URB1: variants seen among roughly 807,000 people sequenced by gnomAD.
URB1 encodes the protein nucleolar pre-ribosomal-associated protein 1.
A neutral mutation model predicts 242.3 loss-of-function variants in URB1; 197 were observed. The ratio of observed to expected loss-of-function variants is 0.81; its 90% confidence interval spans 0.72 to 0.91. The LOEUF (loss-of-function observed/expected upper bound fraction) is 0.91, where lower values mean the gene tolerates loss of function less well. URB1 is among the 40% of genes least tolerant of loss of function. The pLI, the probability that URB1 is intolerant of heterozygous loss-of-function variation, is 0.00. For missense variants in URB1, 2,721 were observed against 2,860.5 expected, an observed-to-expected ratio of 0.95 and a Z score of 1.11; for synonymous variants, 1,153 against 1,201.8, an observed-to-expected ratio of 0.96 and a Z score of 0.84.
rs749036319 is a variant in URB1, at chr21:32,378,333, T to C, written c.664+112A>G. The stretch of plus-strand genomic sequence containing the variant: ...CCCTGCCCCACATCCTTCAATCTGG[T>C]GTACACAGCAACTGCAAAGGCTGCA... On this transcript the variant is annotated intron_variant, in intron 5 of 38. Transcript: ENST00000382751. The C allele has an allele frequency of 1.2e-4, 111 of 914,808 alleles. 1 individual carries two copies. The highest frequency in any genetic ancestry group is 1.8e-4 in the Non-Finnish European group (107 of 579,992). 56.7% of individuals were successfully genotyped at this position (914,808 alleles called of 1,614,324 possible). A position where few individuals can be genotyped will look rare whatever the true frequency, so the allele number is the denominator to read the frequency against.
chr21:32,368,497 G>C lies in URB1; in HGVS notation c.1103C>G (p.Pro368Arg). ...CTTGAAGTATTTGTTCAGTAAGTCC[G>C]GGCACACTTTGAGGATGTTTACCAC... is the stretch of plus-strand genomic sequence containing the variant. ...DLVVNILKVC[P>R]DLLNKYFKEV... The change falls in exon 9 of 39, where the codon CCG becomes CGG. Residue 368 changes from proline to arginine, a missense_variant. Pro to Arg is a moderately radical substitution (Grantham distance 103). Coordinates refer to ENST00000382751, the MANE Select transcript of URB1 (RefSeq NM_014825.3). 4.5e-6 allele frequency: 7 copies of C among 1,551,736 alleles called. No homozygotes were observed. The highest frequency in any genetic ancestry group is 6.1e-6 in the Non-Finnish European group (7 of 1,147,004).
intron 30 of URB1, among the ~76,000 whole-genome samples, chr21:32,331,524 C>G (rs1159868819): frequency 6.6e-6 from 1 of 152,048 alleles, no homozygotes. Context: ...ACCTTGAGAC[C>G]CAAAGAACAA....
chr21:32,371,235 T>C (rs1004210860), intron 8 of URB1, among the ~76,000 whole-genome samples: 2 of 152,270 alleles, frequency 1.3e-5, no homozygotes, highest in East Asian at 1.9e-4. Context: ...CAAACAAATC[T>C]CCTTCCTTTC....
In URB1 at chr21:32,316,559, C is replaced by T. The variant is rs184986771; in HGVS notation, c.6541G>A (p.Val2181Met). 6.4e-7 allele frequency: 1 copy of T among 1,551,340 alleles called. No individual in the cohort carries two copies. Among genetic ancestry groups the T allele is most frequent in the Admixed American group, 2.0e-5 (1 of 51,002 alleles). Residue 2181 changes from valine (V) to methionine (M), a missense_variant, in exon 38 of 39, where the codon GTG becomes ATG. Transcript: ENST00000382751. ...CTCCCTGCCCGGCCCTGGGCAGCCA[C>T]CAGCTGCAGCATGACCGTATTGAAC... ...CLFNTVMLQL[V>M]AAQGRAGSPF...
At chr21:32,329,139 A>C (rs1478557943) in intron 30 of URB1, among the ~76,000 whole-genome samples, 1 of 151,704 alleles carries the variant, frequency 6.6e-6, no homozygotes, top group Non-Finnish European at 1.5e-5. Context: ...ATGGTGGTGC[A>C]CATTTGCAGT....
chr21:32,315,109 A>G lies in URB1; in HGVS notation c.6635-10T>C, dbSNP rs1359620482. The G allele has an allele frequency of 1.3e-6, 2 of 1,509,278 alleles. No individual in the cohort carries two copies. Among genetic ancestry groups the G allele is most frequent in the South Asian group, 2.6e-5 (2 of 78,430 alleles). 93.5% of individuals were successfully genotyped at this position (1,509,278 alleles called of 1,614,324 possible). ...AGGAATGCTGCGGAGGCTGAACAAG[A>G]GCAGGGGATAGGCCATTAGGATGCA... On this transcript the variant is annotated splice_polypyrimidine_tract_variant and intron_variant, in intron 38 of 38. Coordinates refer to ENST00000382751, the MANE Select transcript of URB1 (RefSeq NM_014825.3).
chr21:32,388,355 C>T (rs1054987086), intron 1 of URB1, among the ~76,000 whole-genome samples: 65 of 152,354 alleles, frequency 4.3e-4, no homozygotes, highest in African/African-American at 1.5e-3. Context: ...ACCCTCAAAA[C>T]ATAAGCAGCC....
chr21:32,333,883 G>A (rs1421834476), intron 29 of URB1, among the ~76,000 whole-genome samples: 2 of 152,188 alleles, frequency 1.3e-5, no homozygotes, highest in Non-Finnish European at 2.9e-5. Context: ...AAAAAGCAGT[G>A]CTTGTACATG....
intron 6 of URB1, among the ~76,000 whole-genome samples, chr21:32,374,946 T>G (rs532406744): frequency 6.6e-6 from 1 of 152,262 alleles, no homozygotes; most frequent in Non-Finnish European, 1.5e-5. Context: ...TTTTTCTTAC[T>G]GATGATTTAA....
Position 32,363,301 on chromosome 21 carries a change from G to C in URB1, c.1364C>G (p.Ala455Gly). ...CAAAATGACAGAAATAAGGGATAAG[G>C]CTGTGTGCCTCACTGAGGTGCTGTC... ...NLDSTSVRHT[A>G]LSLISVILKR... Residue 455 changes from alanine to glycine, a missense_variant, in exon 11 of 39, where the codon GCC becomes GGC. Ala to Gly is a moderately conservative substitution (Grantham distance 60). Coordinates refer to ENST00000382751, the MANE Select transcript of URB1 (RefSeq NM_014825.3). 6.4e-7 allele frequency: 1 copy of C among 1,551,600 alleles called. No individual in the cohort carries two copies. Among genetic ancestry groups the C allele is most frequent in the Non-Finnish European group, 8.7e-7 (1 of 1,147,018 alleles).
At chr21:32,384,808 C>T (rs958222011) in intron 2 of URB1, among the ~76,000 whole-genome samples, 6 of 152,236 alleles carry the variant, frequency 3.9e-5, no homozygotes, top group Middle Eastern at 3.4e-3. Context: ...GGTGAAACCC[C>T]GTCTCTACTA....
intron 28 of URB1, among the ~76,000 whole-genome samples, chr21:32,336,779 G>A (rs2032964604): frequency 6.6e-6 from 1 of 152,216 alleles, no homozygotes; most frequent in South Asian, 2.1e-4. Context: ...CTAAAGGCAT[G>A]AGCAGAAAAG....
chr21:32,367,523 T>G (rs892013602), intron 9 of URB1, among the ~76,000 whole-genome samples: 1 of 152,226 alleles, frequency 6.6e-6, no homozygotes, highest in South Asian at 2.1e-4. Context: ...CCAGGTATTT[T>G]ACCACTAGGC....
In URB1 at chr21:32,350,933, C is replaced by T. The variant is rs1336600877; in HGVS notation, c.2614-11G>A. ...CTGTGCCTGCAGCAGCTGAGGGAGACAGCAAAAGGCCGGGGAAGAGAAAGA... is the reference window on the plus strand; with the variant it reads ...CTGTGCCTGCAGCAGCTGAGGGAGATAGCAAAAGGCCGGGGAAGAGAAAGA... On this transcript the variant is annotated splice_polypyrimidine_tract_variant and intron_variant, in intron 19 of 38. Transcript: ENST00000382751. 2 of 1,539,812 alleles carry T rather than the reference C, an allele frequency of 1.3e-6. No homozygotes were observed. Among genetic ancestry groups the T allele is most frequent in the African/African-American group, 2.7e-5 (2 of 72,920 alleles).
intron 4 of URB1, among the ~76,000 whole-genome samples, chr21:32,382,836 G>C (rs1410472884): frequency 1.3e-5 from 2 of 152,122 alleles, no homozygotes; most frequent in Admixed American, 6.5e-5. Context: ...CCAAACCCAA[G>C]TGAAATTTCA....
rs547120779 is a variant in URB1 at position 32,343,982 on chromosome 21, G to T, written c.4257+588C>A. Among the ~76,000 whole-genome samples, 8 of 151,942 alleles carry T rather than the reference G, an allele frequency of 5.3e-5. No individual in the cohort carries two copies. The South Asian group carries it at 1.7e-3, about 32-fold the overall frequency. ...TTCTTACTGGAAGCAAAGCAGGCCAGAAGACAGAAAAGCAACAAGTTTGAA... is the reference window on the plus strand; with the variant it reads ...TTCTTACTGGAAGCAAAGCAGGCCATAAGACAGAAAAGCAACAAGTTTGAA... On this transcript the variant is annotated intron_variant, in intron 24 of 38. Transcript: ENST00000382751.
At chr21:32,335,820 T>C (rs1315694678) in intron 28 of URB1, among the ~76,000 whole-genome samples, 5 of 152,214 alleles carry the variant, frequency 3.3e-5, no homozygotes, top group Non-Finnish European at 7.3e-5. Context: ...TTTATTTTGT[T>C]TGCGGAAATG....
intron 26 of URB1, 123 bp downstream of exon 26, chr21:32,338,584 C>A: frequency 9.2e-7 from 1 of 1,088,206 alleles, no homozygotes; most frequent in South Asian, 1.4e-5. Context: ...CATTCTGACA[C>A]TGTCTTGGCA....
chr21:32,388,741 G>A (rs2033609607), intron 1 of URB1, among the ~76,000 whole-genome samples: 1 of 152,238 alleles, frequency 6.6e-6, no homozygotes, highest in Non-Finnish European at 1.5e-5. Flanking sequence ...AAAGAGCAGT[G>A]CAACTACTCA....
Sources: gnomAD v4.1 joint callset for allele counts (sites outside exome capture counted in the v4.1 genomes callset) on GRCh38, gnomAD v4.1.1 for gene constraint, MANE v1.5 for transcripts, NCBI Gene and HGNC (gene_info 2026-07-23, HGNC 2026-07-21) for gene names.